The following NTN1 variants were observed in gnomAD, a reference collection of about 807,000 sequenced individuals.
The protein encoded by NTN1 is netrin-1.
Under a neutral mutation model 54.2 loss-of-function variants are expected in NTN1, and 11 were observed. That is an observed-to-expected ratio of 0.20 (90% CI 0.13 to 0.34). The LOEUF is 0.34. Among genes scored for constraint, NTN1 ranks in the 10% least tolerant of loss-of-function variants. The probability of loss-of-function intolerance (pLI) is 1.00; values close to 1 mark genes in which losing one functional copy is unlikely to be tolerated. For synonymous variants in NTN1, 371 were observed against 382.0 expected (o/e 0.97, Z 0.33); for missense variants, 740 against 893.1 (o/e 0.83, Z 2.18).
chr17:9,117,577 C>T (rs2092217915), intron 2 of NTN1, among the ~76,000 whole-genome samples: 1 of 151,976 alleles, frequency 6.6e-6, no homozygotes, highest in Non-Finnish European at 1.5e-5. Flanking sequence ...AACCCCGTCT[C>T]TACTAAAAAT....
At chr17:9,095,788 AT>A (rs150172311) in intron 2 of NTN1, among the ~76,000 whole-genome samples, 13,641 of 151,462 alleles carry the variant, frequency 0.09, 703 homozygotes, top group Middle Eastern at 0.15. Flanking sequence ...AATCTTTATA[AT>A]TTTTTTCTTT....
At chr17:9,188,944 C>T (rs6503186) in intron 5 of NTN1, among the ~76,000 whole-genome samples, 137,173 of 152,220 alleles carry the variant, frequency 0.9, 61,880 homozygotes, top group East Asian at 1. Context: ...TGGTATGAAG[C>T]GGGATGTTAG....
the NTN1 span, among the ~76,000 whole-genome samples, chr17:9,003,400 C>G: frequency 6.6e-6 from 1 of 151,690 alleles, no homozygotes; most frequent in Non-Finnish European, 1.5e-5. This position sits in a 1 kb window ranked among gnomAD's most constrained non-coding sequence, Gnocchi z 7.4. Flanking sequence ...GGGGCGCACG[C>G]CAGAGCCCCA....
chr17:9,183,011 G>T (rs1157086236), intron 5 of NTN1, 42 bp downstream of exon 5: 2 of 1,562,282 alleles, frequency 1.3e-6, no homozygotes, highest in South Asian at 1.1e-5. Context: ...CTTTTGCTGG[G>T]TGGTGGGGTG....
At chr17:9,105,794 C>G (rs912627836) in intron 2 of NTN1, among the ~76,000 whole-genome samples, 4 of 152,034 alleles carry the variant, frequency 2.6e-5, no homozygotes, top group Admixed American at 6.5e-5. Context: ...TCCCCCTCCC[C>G]CAAGTCCCCC....
At chr17:9,214,173 G>A (rs1355908484) in intron 5 of NTN1, among the ~76,000 whole-genome samples, 1 of 151,992 alleles carries the variant, frequency 6.6e-6, no homozygotes, top group Non-Finnish European at 1.5e-5. Context: ...TTCTAGAATT[G>A]AATGCATTTC....
chr17:9,210,424 A>C (rs955126011), intron 5 of NTN1, among the ~76,000 whole-genome samples: 27 of 84,228 alleles, frequency 3.2e-4, no homozygotes, highest in African/African-American at 1.7e-3. Flanking sequence ...GTGCGTGCAC[A>C]CACACACACA....
At chr17:9,201,505 C>T (rs528793594) in intron 5 of NTN1, among the ~76,000 whole-genome samples, 28 of 152,296 alleles carry the variant, frequency 1.8e-4, no homozygotes, top group East Asian at 3.9e-4. Flanking sequence ...GGGACTCAGG[C>T]GACTGTTCCC....
chr17:9,036,250 GA>G (rs67357165), intron 2 of NTN1, among the ~76,000 whole-genome samples: 23,198 of 152,032 alleles, frequency 0.15, 1,933 homozygotes, highest in Non-Finnish European at 0.18. Flanking sequence ...TACAGGCAAA[GA>G]AACTGAGGCA....
chr17:9,128,946 AG>A (rs1187886101), intron 2 of NTN1, among the ~76,000 whole-genome samples: 1 of 152,164 alleles, frequency 6.6e-6, no homozygotes, highest in African/African-American at 2.4e-5. Context: ...AAATGAACCA[AG>A]GGGCCTGCAG....
chr17:9,130,261 T>TGGGTCCTCAGGCCAGCTCTCTGTGTCCC (rs2142269376), intron 2 of NTN1, among the ~76,000 whole-genome samples: 1 of 152,240 alleles, frequency 6.6e-6, no homozygotes, highest in Admixed American at 6.5e-5. Flanking sequence ...TCCAGCACCA[T>TGGGTCCTCAGGCCAGCTCTCTGTGTCCC]GGGTCCTCAG....
chr17:9,210,163 G>C (rs1441644111), intron 5 of NTN1, among the ~76,000 whole-genome samples: 1 of 152,064 alleles, frequency 6.6e-6, no homozygotes, highest in East Asian at 1.9e-4. Context: ...CTTTCATCCA[G>C]TCCCTGAACC....
intron 3 of NTN1, among the ~76,000 whole-genome samples, chr17:9,168,847 G>A (rs1011102096): frequency 1.3e-5 from 2 of 152,082 alleles, no homozygotes; most frequent in African/African-American, 2.4e-5. Context: ...TTTTTTGTGG[G>A]GGGTGCAGGG....
At chr17:9,043,461 C>T (rs1253629914) in intron 2 of NTN1, among the ~76,000 whole-genome samples, 4 of 152,232 alleles carry the variant, frequency 2.6e-5, no homozygotes, top group South Asian at 2.1e-4. Flanking sequence ...AACCCAGGGC[C>T]GGAATTAAAA....
chr17:9,115,018 A>G (rs961831727), intron 2 of NTN1, among the ~76,000 whole-genome samples: 14 of 152,082 alleles, frequency 9.2e-5, no homozygotes, highest in African/African-American at 1.4e-4. Context: ...TCTTGGGTGG[A>G]TGAGTGGTAG....
At chr17:9,195,925 G>A (rs1904621571) in intron 5 of NTN1, among the ~76,000 whole-genome samples, 1 of 151,992 alleles carries the variant, frequency 6.6e-6, no homozygotes, top group Non-Finnish European at 1.5e-5. Flanking sequence ...GGAGATCATG[G>A]GTTTTGAGTA....
At chr17:9,184,214 G>A (rs1047280395) in intron 5 of NTN1, among the ~76,000 whole-genome samples, 9 of 152,196 alleles carry the variant, frequency 5.9e-5, no homozygotes, top group Non-Finnish European at 1.3e-4. Context: ...ACAGAAATGC[G>A]TTTCAGGGAG....
chr17:9,095,518 A>C (rs879713906), intron 2 of NTN1, among the ~76,000 whole-genome samples: 1 of 152,192 alleles, frequency 6.6e-6, no homozygotes, highest in Non-Finnish European at 1.5e-5. Flanking sequence ...CTCCTTTGCC[A>C]TGTGTTAATT....
At chr17:9,136,674 ACTTTCTCTGTGTGTGTGCGCTTCATC>A (rs1212103408) in intron 2 of NTN1, among the ~76,000 whole-genome samples, 6 of 152,234 alleles carry the variant, frequency 3.9e-5, no homozygotes, top group Non-Finnish European at 8.8e-5. Flanking sequence ...GTAACATGAT[ACTTTCTCTGTGTGTGTGCGCTTCATC>A]CTTTTATTAT....
Sources: gnomAD v4.1 joint callset for allele counts (sites outside exome capture counted in the v4.1 genomes callset) on GRCh38, gnomAD v4.1.1 for gene constraint, Gnocchi (gnomAD v3.1) non-coding constraint, MANE v1.5 for transcripts, NCBI Gene and HGNC (gene_info 2026-07-23, HGNC 2026-07-21) for gene names.